The following AGMO variants were observed in gnomAD, a reference collection of about 807,000 sequenced individuals.
AGMO encodes alkylglycerol monooxygenase, also known as glyceryl-ether monooxygenase.
A neutral mutation model predicts 60.2 loss-of-function variants in AGMO; 75 were observed. The ratio of observed to expected loss-of-function variants is 1.25; its 90% CI spans 1.03 to 1.51. The LOEUF is 1.51. Ranked by LOEUF, AGMO falls within the 40% of genes most tolerant of loss-of-function variation. AGMO has a pLI of 0.00. For missense variants in AGMO, 763 were observed against 525.5 expected, an observed-to-expected ratio of 1.45 and a Z score of -4.42; for synonymous variants, 261 against 177.1, an observed-to-expected ratio of 1.47 and a Z score of -3.76.
At chr7:15,496,783 A>G (rs1355954709) in intron 3 of AGMO, among the ~76,000 whole-genome samples, 2 of 152,182 alleles carry the variant, frequency 1.3e-5, no homozygotes, top group South Asian at 2.1e-4. Context: ...TTGGTCAGAA[A>G]TTGAATGAAA....
intron 12 of AGMO, among the ~76,000 whole-genome samples, chr7:15,258,755 T>C (rs1358219307): frequency 6.6e-6 from 1 of 151,930 alleles, no homozygotes; most frequent in East Asian, 2.0e-4. Context: ...CAGAACTCTT[T>C]CTAGACACTC....
At chr7:15,267,410 A>C (rs376696182) in intron 12 of AGMO, among the ~76,000 whole-genome samples, 8 of 152,166 alleles carry the variant, frequency 5.3e-5, no homozygotes, top group African/African-American at 1.9e-4. Context: ...GAGCTTCTCA[A>C]ATGATAATAA....
intron 12 of AGMO, among the ~76,000 whole-genome samples, chr7:15,330,047 A>G (rs1172390099): frequency 7.8e-6 from 1 of 128,360 alleles, no homozygotes; most frequent in Non-Finnish European, 1.8e-5. Flanking sequence ...GATAACTAAA[A>G]TATAGAATTA....
At chr7:15,501,098 C>T (rs74724996) in intron 3 of AGMO, among the ~76,000 whole-genome samples, 1 of 151,572 alleles carries the variant, frequency 6.6e-6, no homozygotes, top group Non-Finnish European at 1.5e-5. Context: ...TGTTTTATGT[C>T]CAATTGTTTG....
At chr7:15,422,629 T>C (rs1780956669) in intron 4 of AGMO, among the ~76,000 whole-genome samples, 2 of 152,084 alleles carry the variant, frequency 1.3e-5, no homozygotes, top group Admixed American at 1.3e-4. Context: ...GAAGAGATCT[T>C]GAGGAGACAG....
rs147048601 is a variant in AGMO, at chr7:15,362,644, A to G, written c.1263+2870T>C. Among the ~76,000 whole-genome samples the G allele has an allele frequency of 3.6e-3, 547 of 152,346 alleles. 3 individuals are homozygous for G. The highest frequency in any genetic ancestry group is 0.012 in the African/African-American group (519 of 41,582). On this transcript the variant is annotated intron_variant, in intron 12 of 12. Transcript: ENST00000342526. Reference sequence around the variant, plus strand: ...AAGAACTGGCCGTGCATGTGCCCAGATGGACAGAAGCAGTTTCTGGAAAGA... The same window carrying G: ...AAGAACTGGCCGTGCATGTGCCCAGGTGGACAGAAGCAGTTTCTGGAAAGA...
chr7:15,242,451 T>A (rs1408183439), intron 12 of AGMO, among the ~76,000 whole-genome samples: 1 of 152,160 alleles, frequency 6.6e-6, no homozygotes. Context: ...AAAATTATCA[T>A]TGGTAAATGG....
chr7:15,219,755 G>C (rs1439991801), intron 12 of AGMO, among the ~76,000 whole-genome samples: 16 of 152,166 alleles, frequency 1.1e-4, no homozygotes, highest in Non-Finnish European at 2.1e-4. Context: ...CAGAGGGAAA[G>C]TAGTATTGGC....
chr7:15,148,083 A>T, the AGMO span, among the ~76,000 whole-genome samples: 1 of 152,086 alleles, frequency 6.6e-6, no homozygotes, highest in African/African-American at 2.4e-5. Context: ...TTTTATTTTT[A>T]AAATACTTAC....
chr7:15,452,244 C>T (rs997286273), intron 3 of AGMO, among the ~76,000 whole-genome samples: 5 of 151,680 alleles, frequency 3.3e-5, no homozygotes, highest in African/African-American at 9.7e-5. Context: ...TATACTTCAT[C>T]GAATTTTTAA....
chr7:15,198,141 C>A (rs545038905), downstream of AGMO, among the ~76,000 whole-genome samples: 38 of 146,220 alleles, frequency 2.6e-4, no homozygotes, highest in South Asian at 8.2e-3. Flanking sequence ...AGTCAGTTTG[C>A]ATCTCTCCGA....
intron 12 of AGMO, among the ~76,000 whole-genome samples, chr7:15,202,248 C>G (rs2115465200): frequency 6.6e-6 from 1 of 151,856 alleles, no homozygotes; most frequent in African/African-American, 2.4e-5. Context: ...TATCACTATA[C>G]CTGGAAGATT....
chr7:15,309,515 A>T (rs1024486847), intron 12 of AGMO, among the ~76,000 whole-genome samples: 4 of 152,120 alleles, frequency 2.6e-5, no homozygotes, highest in Non-Finnish European at 5.9e-5. Context: ...CGTCAACATA[A>T]GATCTCATCT....
intron 12 of AGMO, among the ~76,000 whole-genome samples, chr7:15,304,899 A>T (rs138895732): frequency 1.6e-4 from 25 of 152,178 alleles, no homozygotes; most frequent in South Asian, 4.1e-4. Flanking sequence ...AACTATAACA[A>T]ATGATTTAGT....
chr7:15,275,102 G>T (rs1045404415), intron 12 of AGMO, among the ~76,000 whole-genome samples: 1 of 151,830 alleles, frequency 6.6e-6, no homozygotes, highest in African/African-American at 2.4e-5. Context: ...GGTTTGGTAT[G>T]TTATTGATTT....
At chr7:15,201,395 G>A in intron 12 of AGMO, 36 bp from the exon 13 acceptor site, 2 of 1,474,394 alleles carry the variant, frequency 1.4e-6, no homozygotes, top group South Asian at 1.2e-5. Flanking sequence ...AAAAAAATTA[G>A]AAGTGAATCA....
At chr7:15,543,702 A>C (rs1784691992) in intron 3 of AGMO, among the ~76,000 whole-genome samples, 1 of 152,092 alleles carries the variant, frequency 6.6e-6, no homozygotes, top group Non-Finnish European at 1.5e-5. Flanking sequence ...AATGGAAGGC[A>C]GTATATTAAA....
intron 12 of AGMO, among the ~76,000 whole-genome samples, chr7:15,231,952 G>A (rs1782273812): frequency 6.6e-6 from 1 of 152,106 alleles, no homozygotes; most frequent in Non-Finnish European, 1.5e-5. Flanking sequence ...CCAAAGGTGG[G>A]TTATGCACAG....
intron 3 of AGMO, among the ~76,000 whole-genome samples, chr7:15,476,928 T>C (rs1432384097): frequency 2.0e-5 from 3 of 152,116 alleles, no homozygotes; most frequent in Admixed American, 6.5e-5. Context: ...CTAGTTGATC[T>C]AGAATTTGAA....
Sources: allele counts gnomAD v4.1 joint callset (sites outside exome capture counted in the v4.1 genomes callset), GRCh38; gene constraint gnomAD v4.1.1; transcripts MANE v1.5; gene names NCBI Gene and HGNC (gene_info 2026-07-23, HGNC 2026-07-21).